The following RNF220 variants were observed in gnomAD, a reference collection of about 807,000 sequenced individuals.
The protein encoded by RNF220 is ring finger protein 220, also known as E3 ubiquitin-protein ligase RNF220.
RNF220 carries 7 observed loss-of-function variants against 67.1 expected under a neutral mutation model. The ratio of observed to expected loss-of-function variants is 0.10; its 90% CI spans 0.06 to 0.20. The LOEUF (loss-of-function observed/expected upper bound fraction) is 0.20. Among genes scored for constraint, RNF220 ranks in the 10% least tolerant of loss-of-function variants. The pLI, the probability that RNF220 is intolerant of heterozygous loss-of-function variation, is 1.00. For missense variants in RNF220, 565 were observed against 740.3 expected, an observed-to-expected ratio of 0.76 and a Z score of 2.75; for synonymous variants, 270 against 283.2, an observed-to-expected ratio of 0.95 and a Z score of 0.47.
intron 2 of RNF220, among the ~76,000 whole-genome samples, chr1:44,503,523 C>T (rs1658130029): frequency 6.6e-6 from 1 of 152,024 alleles, no homozygotes; most frequent in Non-Finnish European, 1.5e-5. Flanking sequence ...CATCCAATAC[C>T]ACATTAAAAG....
intron 2 of RNF220, among the ~76,000 whole-genome samples, chr1:44,591,855 G>A (rs1666138680): frequency 6.6e-6 from 1 of 151,758 alleles, no homozygotes; most frequent in African/African-American, 2.4e-5. Context: ...TCCTTCTCTT[G>A]CCATCTGACA....
chr1:44,522,378 G>A (rs759648169), intron 2 of RNF220, among the ~76,000 whole-genome samples: 17 of 152,168 alleles, frequency 1.1e-4, no homozygotes, highest in Non-Finnish European at 2.5e-4. Context: ...GCCTAACATG[G>A]AGCCTGGCAC....
chr1:44,544,550 C>A (rs1469310550), intron 2 of RNF220, among the ~76,000 whole-genome samples: 2 of 152,244 alleles, frequency 1.3e-5, no homozygotes, highest in African/African-American at 4.8e-5. Context: ...GCTAGCCAAC[C>A]TTTTCCTCCC....
intron 2 of RNF220, among the ~76,000 whole-genome samples, chr1:44,457,658 A>G (rs1384094920): frequency 2.6e-5 from 4 of 152,144 alleles, no homozygotes; most frequent in Non-Finnish European, 5.9e-5. Flanking sequence ...TTTTAGGAAG[A>G]TAGCTGATTC....
chr1:44,535,015 C>A (rs896988969), intron 2 of RNF220, among the ~76,000 whole-genome samples: 1 of 152,078 alleles, frequency 6.6e-6, no homozygotes, highest in Non-Finnish European at 1.5e-5. Context: ...CAAGTTACTG[C>A]TAATCTCCGT....
At chr1:44,455,453 A>G (rs1653082533) in intron 2 of RNF220, among the ~76,000 whole-genome samples, 1 of 152,224 alleles carries the variant, frequency 6.6e-6, no homozygotes, top group African/African-American at 2.4e-5. Context: ...AGACTTTCTA[A>G]TAGTCTTGTT....
intron 3 of RNF220, among the ~76,000 whole-genome samples, chr1:44,616,620 T>A (rs1643558115): frequency 6.6e-6 from 1 of 152,028 alleles, no homozygotes; most frequent in Non-Finnish European, 1.5e-5. Context: ...CACCTGGGAT[T>A]GGCCTGCCAG....
chr1:44,530,537 A>G (rs1264066255), intron 2 of RNF220, among the ~76,000 whole-genome samples: 1 of 151,430 alleles, frequency 6.6e-6, no homozygotes, highest in African/African-American at 2.4e-5. Flanking sequence ...TCTGCAAAAA[A>G]AAAAAAAAAA....
chr1:44,490,090 C>T (rs1234288194), intron 2 of RNF220, among the ~76,000 whole-genome samples: 1 of 152,048 alleles, frequency 6.6e-6, no homozygotes, highest in African/African-American at 2.4e-5. Context: ...AACCGTTCTT[C>T]GTAAGACCAG....
chr1:44,565,509 G>A lies in RNF220; in HGVS notation c.626-48656G>A, dbSNP rs1663930583. Among the ~76,000 whole-genome samples the A allele has an allele frequency of 6.6e-6, 1 of 152,182 alleles. No individual in the cohort carries two copies. The highest frequency in any genetic ancestry group is 1.5e-5 in the Non-Finnish European group (1 of 68,024). ...GGCTGGGGACAGCAGGCAGGAAGCA[G>A]TGGGCCCATTCCTCAGCGCTAATGC... On this transcript the variant is annotated intron_variant, in intron 2 of 14. Coordinates refer to ENST00000361799, the MANE Select transcript of RNF220 (RefSeq NM_018150.4). The surrounding 1 kb of genome is among the most constrained non-coding windows in gnomAD (Gnocchi z 4.2).
In RNF220 at chr1:44,417,679, T is replaced by G. The variant is rs1278164650; in HGVS notation, c.625+4957T>G. Among the ~76,000 whole-genome samples, 1 of 152,140 alleles carries G rather than the reference T, an allele frequency of 6.6e-6. No individual in the cohort carries two copies. The highest frequency in any genetic ancestry group is 1.5e-5 in the Non-Finnish European group (1 of 68,026). ...ATTGTCATGCAGAAGTGATCCGGGC[T>G]GCCGTTTTCTCGCGGCCGCCCGCCA... is the stretch of plus-strand genomic sequence containing the variant. On this transcript the variant is annotated intron_variant, in intron 2 of 14. Coordinates refer to ENST00000361799, the MANE Select transcript of RNF220 (RefSeq NM_018150.4). The surrounding 1 kb of genome is among the most constrained non-coding windows in gnomAD (Gnocchi z 4.0).
intron 2 of RNF220, among the ~76,000 whole-genome samples, chr1:44,451,969 G>A (rs561131786): frequency 2.6e-5 from 4 of 152,256 alleles, no homozygotes; most frequent in African/African-American, 7.2e-5. Context: ...TTTGTGTTTT[G>A]CTTAGGAAGG....
intron 2 of RNF220, among the ~76,000 whole-genome samples, chr1:44,570,742 C>T (rs376884967): frequency 1.9e-4 from 29 of 152,274 alleles, no homozygotes; most frequent in Middle Eastern, 3.4e-3. Flanking sequence ...GGCCCTCCCA[C>T]GATCTATTCT....
chr1:44,615,477 C>T (rs1182118694), intron 3 of RNF220, among the ~76,000 whole-genome samples: 5 of 152,196 alleles, frequency 3.3e-5, no homozygotes, highest in African/African-American at 1.2e-4. Flanking sequence ...TGCCCCGCTC[C>T]TCCCAGTCCG....
chr1:44,416,665 C>G (rs982067008), intron 2 of RNF220, among the ~76,000 whole-genome samples: 3 of 152,204 alleles, frequency 2.0e-5, no homozygotes, highest in African/African-American at 7.2e-5. Flanking sequence ...GGCGACTGGC[C>G]CTGTCTTCTG....
rs987691416 is a variant in RNF220 at position 44,412,894 on chromosome 1, T to C, written c.625+172T>C. On this transcript the variant is annotated intron_variant, in intron 2 of 14. Coordinates refer to ENST00000361799, the MANE Select transcript of RNF220 (RefSeq NM_018150.4). The surrounding 1 kb of genome is among the most constrained non-coding windows in gnomAD (Gnocchi z 5.3). ...CTTGTCTCTTATCAGTGAGCACTGA[T>C]AGTTCTTGAAATATTTTTCTGAAAG... 2.6e-5 allele frequency among the ~76,000 whole-genome samples: 4 copies of C among 152,156 alleles called. No homozygotes were observed. Among genetic ancestry groups the C allele is most frequent in the Non-Finnish European group, 4.4e-5 (3 of 68,026 alleles).
At chr1:44,466,758 G>T (rs1042012937) in intron 2 of RNF220, among the ~76,000 whole-genome samples, 2 of 152,168 alleles carry the variant, frequency 1.3e-5, no homozygotes, top group Admixed American at 1.3e-4. Context: ...TCAACAGTGG[G>T]CTTAAAATAT....
intron 2 of RNF220, among the ~76,000 whole-genome samples, chr1:44,458,015 G>A (rs1653375087): frequency 6.6e-6 from 1 of 152,038 alleles, no homozygotes; most frequent in African/African-American, 2.4e-5. Flanking sequence ...CCAGTGCTTT[G>A]GGAGGCTGAG....
intron 2 of RNF220, among the ~76,000 whole-genome samples, chr1:44,589,137 T>C (rs1665923494): frequency 6.6e-6 from 1 of 152,184 alleles, no homozygotes; most frequent in African/African-American, 2.4e-5. Flanking sequence ...GCCATATCTG[T>C]CTTCTAGACA....
Sources: gnomAD v4.1 joint callset for allele counts (sites outside exome capture counted in the v4.1 genomes callset) on GRCh38, gnomAD v4.1.1 for gene constraint, Gnocchi (gnomAD v3.1) non-coding constraint, MANE v1.5 for transcripts, NCBI Gene and HGNC (gene_info 2026-07-23, HGNC 2026-07-21) for gene names.